Variants in NPAS3 observed in about 807,000 individuals in gnomAD.
NPAS3 encodes the protein neuronal PAS domain-containing protein 3.
A neutral mutation model predicts 73.1 loss-of-function variants in NPAS3; 14 were observed. That is an observed-to-expected ratio of 0.19 (90% CI 0.13 to 0.30). The LOEUF is 0.30. Ranked by LOEUF, NPAS3 falls within the 10% of genes least tolerant of loss-of-function variation. The pLI is 1.00. For synonymous variants in NPAS3, 620 were observed against 541.5 expected, an observed-to-expected ratio of 1.14 and a Z score of -2.01; for missense variants, 1,096 against 1,250.0, an observed-to-expected ratio of 0.88 and a Z score of 1.86.
downstream of NPAS3, chr14:33,801,872 A>G (rs1328430002): frequency 6.6e-6 from 1 of 152,216 alleles, no homozygotes; most frequent in African/African-American, 2.4e-5. Context: ...GAAAAAAAAA[A>G]AATGTGTTCT....
chr14:33,210,725 C>G, intron 2 of NPAS3, among the ~76,000 whole-genome samples: 1 of 151,980 alleles, frequency 6.6e-6, no homozygotes, highest in South Asian at 2.1e-4. Flanking sequence ...AACAAAATTG[C>G]TTGTCCTGCA....
intron 5 of NPAS3, among the ~76,000 whole-genome samples, chr14:33,595,452 T>TA (rs376941351): frequency 5.9e-5 from 9 of 152,288 alleles, no homozygotes; most frequent in African/African-American, 2.2e-4. Flanking sequence ...TAAGGGCTTC[T>TA]AAAAATACCC....
intron 3 of NPAS3, among the ~76,000 whole-genome samples, chr14:33,347,000 G>A (rs2044770274): frequency 3.3e-5 from 5 of 152,136 alleles, no homozygotes. Flanking sequence ...ACCATCTTAA[G>A]TCTGCCACTG....
At chr14:33,802,611 T>C (rs2063743728), downstream of NPAS3, 1 of 152,234 alleles carries the variant, frequency 6.6e-6, no homozygotes, top group African/African-American at 2.4e-5. Flanking sequence ...AGTTTCAATG[T>C]GTGTTTCTAT....
chr14:33,421,053 G>A (rs937026757), intron 4 of NPAS3, among the ~76,000 whole-genome samples: 2 of 151,882 alleles, frequency 1.3e-5, no homozygotes, highest in Admixed American at 6.6e-5. Flanking sequence ...TGTTAAAATT[G>A]AGTTCTAAGC....
chr14:33,773,293 A>C (rs567206187), intron 7 of NPAS3, among the ~76,000 whole-genome samples: 1 of 152,300 alleles, frequency 6.6e-6, no homozygotes, highest in South Asian at 2.1e-4. Flanking sequence ...CAGCCACTAA[A>C]CTGAGCTCCA....
intron 3 of NPAS3, among the ~76,000 whole-genome samples, chr14:33,237,550 C>T (rs2048076288): frequency 6.6e-6 from 1 of 152,022 alleles, no homozygotes; most frequent in African/African-American, 2.4e-5. Flanking sequence ...AAACTAATTA[C>T]TAAATGCTGA....
intron 2 of NPAS3, among the ~76,000 whole-genome samples, chr14:33,200,960 C>T (rs2046591004): frequency 6.6e-6 from 1 of 152,024 alleles, no homozygotes; most frequent in Non-Finnish European, 1.5e-5. Context: ...TTTTTGTGAC[C>T]CTTACTTTAA....
chr14:33,707,649 C>T (rs1491001751), intron 6 of NPAS3, among the ~76,000 whole-genome samples: 1 of 152,072 alleles, frequency 6.6e-6, no homozygotes, highest in Non-Finnish European at 1.5e-5. Flanking sequence ...GAATTCCTGC[C>T]CAAGTGGAGC....
chr14:33,764,852 C>A (rs1434326725), intron 7 of NPAS3, among the ~76,000 whole-genome samples: 1 of 152,200 alleles, frequency 6.6e-6, no homozygotes, highest in Non-Finnish European at 1.5e-5. Context: ...GTATACAGTT[C>A]AGCCTTCTTG....
chr14:33,055,531 T>C (rs1245579989), intron 1 of NPAS3, among the ~76,000 whole-genome samples: 1 of 152,258 alleles, frequency 6.6e-6, no homozygotes, highest in Non-Finnish European at 1.5e-5. Context: ...ATTGAACTAA[T>C]GACAGTCCTA....
intron 1 of NPAS3, among the ~76,000 whole-genome samples, chr14:32,978,743 T>G (rs2037786588): frequency 6.6e-6 from 1 of 152,192 alleles, no homozygotes; most frequent in South Asian, 2.1e-4. Flanking sequence ...GAAATGGAAA[T>G]GATCATTGCT....
intron 2 of NPAS3, among the ~76,000 whole-genome samples, chr14:33,125,869 G>T (rs2043408457): frequency 6.6e-6 from 1 of 152,126 alleles, no homozygotes; most frequent in South Asian, 2.1e-4. Context: ...TTTTCATAAA[G>T]AAAACATGTT....
intron 3 of NPAS3, among the ~76,000 whole-genome samples, chr14:33,338,184 T>G (rs2044313942): frequency 6.6e-6 from 1 of 152,142 alleles, no homozygotes; most frequent in Non-Finnish European, 1.5e-5. Context: ...GAATCACACC[T>G]GTTGTGTGAG....
chr14:32,959,570 C>A (rs1305015088), intron 1 of NPAS3, among the ~76,000 whole-genome samples: 1 of 152,132 alleles, frequency 6.6e-6, no homozygotes, highest in Non-Finnish European at 1.5e-5. Context: ...TTTCATGAAA[C>A]CTTCTGCAGC....
At chr14:33,612,190 C>T (rs1248758771) in intron 5 of NPAS3, among the ~76,000 whole-genome samples, 1 of 152,150 alleles carries the variant, frequency 6.6e-6, no homozygotes, top group South Asian at 2.1e-4. Flanking sequence ...AGAAATTGGT[C>T]AGAAGGCCCC....
intron 5 of NPAS3, among the ~76,000 whole-genome samples, chr14:33,644,783 A>G (rs1400358015): frequency 6.6e-6 from 1 of 152,122 alleles, no homozygotes; most frequent in Non-Finnish European, 1.5e-5. Flanking sequence ...AGAAAATGCT[A>G]ATCAAGAATA....
chr14:33,717,898 C>T (rs1466105093), intron 6 of NPAS3, among the ~76,000 whole-genome samples: 1 of 152,094 alleles, frequency 6.6e-6, no homozygotes, highest in Non-Finnish European at 1.5e-5. Context: ...AGCTGGTATA[C>T]ACAAAATAAA....
intron 4 of NPAS3, among the ~76,000 whole-genome samples, chr14:33,394,545 G>C (rs2047141332): frequency 6.6e-6 from 1 of 152,078 alleles, no homozygotes; most frequent in South Asian, 2.1e-4. Context: ...TTCAGCTTTT[G>C]CTGCTTCACT....
Sources: gnomAD v4.1 joint callset for allele counts (sites outside exome capture counted in the v4.1 genomes callset) on GRCh38, gnomAD v4.1.1 for gene constraint, MANE v1.5 for transcripts, NCBI Gene and HGNC (gene_info 2026-07-23, HGNC 2026-07-21) for gene names.